Variants in PMPCB observed in about 807,000 individuals in gnomAD.
PMPCB encodes the protein peptidase, mitochondrial processing subunit beta.
PMPCB carries 46 observed loss-of-function variants against 61.5 expected under a neutral mutation model. The ratio of observed to expected loss-of-function variants is 0.75; its 90% CI spans 0.59 to 0.96. PMPCB has a LOEUF of 0.96. PMPCB is among the 40% of genes least tolerant of loss of function. The pLI, the probability that PMPCB is intolerant of heterozygous loss-of-function variation, is 0.00. For synonymous variants in PMPCB, 191 were observed against 201.6 expected (o/e 0.95, Z 0.44); for missense variants, 590 against 602.4 (o/e 0.98, Z 0.22).
the PMPCB span, chr7:103,344,594 C>G: frequency 6.2e-7 from 1 of 1,612,742 alleles, no homozygotes. Flanking sequence ...GGTGCCCCGG[C>G]CGTCCGCGGC....
the PMPCB span, among the ~76,000 whole-genome samples, chr7:103,334,818 T>C: frequency 6.6e-6 from 1 of 152,056 alleles, no homozygotes. Flanking sequence ...TCAGAAACAG[T>C]GACAAATATT....
chr7:103,319,581 A>T, downstream of PMPCB: 1 of 1,606,876 alleles, frequency 6.2e-7, no homozygotes, highest in South Asian at 1.1e-5. Flanking sequence ...TGCTACATAT[A>T]GGTAGGAGTG....
chr7:103,313,055 A>T lies in PMPCB; in HGVS notation c.*784A>T, dbSNP rs1300243730. 1 of 1,613,986 alleles carries T rather than the reference A, an allele frequency of 6.2e-7. No individual in the cohort carries two copies. Among genetic ancestry groups the T allele is most frequent in the African/African-American group, 1.3e-5 (1 of 75,038 alleles). The stretch of plus-strand genomic sequence containing the variant: ...GGTATGTTTTCAAAGCTTGTTCCAA[A>T]AGCTTCTGTTCTTCTGTTGTCCAAG... On this transcript the variant is annotated 3_prime_UTR_variant, in exon 13 of 13. Coordinates refer to ENST00000249269, the MANE Select transcript of PMPCB (RefSeq NM_004279.3).
intron 12 of PMPCB, chr7:103,326,565 G>A (rs1818718406): frequency 6.2e-7 from 1 of 1,613,626 alleles, no homozygotes; most frequent in African/African-American, 1.3e-5. Flanking sequence ...TCAAACACTG[G>A]GGTAAACACT....
chr7:103,322,897 G>A, intron 12 of PMPCB: 1 of 903,776 alleles, frequency 1.1e-6, no homozygotes, highest in Non-Finnish European at 1.7e-6. Flanking sequence ...CATCCTAGAG[G>A]TTAAAATGCT....
chr7:103,317,091 T>C, downstream of PMPCB: 1 of 1,296,040 alleles, frequency 7.7e-7, no homozygotes, highest in Admixed American at 2.0e-5. Context: ...GCTAGGGCTT[T>C]GTGGTCCTCA....
intron 2 of PMPCB, 88 bp downstream of exon 2, chr7:103,298,796 G>A (rs1817366784): frequency 1.5e-6 from 2 of 1,310,516 alleles, no homozygotes; most frequent in East Asian, 2.4e-5. Context: ...TCGTTGGCTG[G>A]TGGTTCAAAA....
chr7:103,307,578 T>G lies in PMPCB; in HGVS notation c.737-18T>G, dbSNP rs1367110657. The G allele has an allele frequency of 6.9e-7, 1 of 1,448,988 alleles. No homozygotes were observed. Among genetic ancestry groups the G allele is most frequent in the Non-Finnish European group, 9.7e-7 (1 of 1,029,660 alleles). 89.8% of individuals were successfully genotyped at this position (1,448,988 alleles called of 1,614,324 possible). ...TATTGCTGCTAGATACATGTGAAAA[T>G]ATTTTCTTTCAATTTAGGTGTTTCC... On this transcript the variant is annotated intron_variant, in intron 6 of 12. Coordinates refer to ENST00000249269, the MANE Select transcript of PMPCB (RefSeq NM_004279.3).
At chr7:103,339,018 T>C in the PMPCB span, among the ~76,000 whole-genome samples, 1 of 152,094 alleles carries the variant, frequency 6.6e-6, no homozygotes, top group African/African-American at 2.4e-5. Context: ...CTCTGAGAAG[T>C]CCTGTAATTA....
intron 6 of PMPCB, among the ~76,000 whole-genome samples, chr7:103,306,033 AT>A (rs1269176971): frequency 6.6e-6 from 1 of 152,212 alleles, no homozygotes; most frequent in Non-Finnish European, 1.5e-5. Flanking sequence ...ATTAGTATTC[AT>A]TTTAAATACT....
At chr7:103,338,136 G>A in the PMPCB span, among the ~76,000 whole-genome samples, 4 of 152,102 alleles carry the variant, frequency 2.6e-5, no homozygotes, top group Admixed American at 2.6e-4. Context: ...TGGGTGTGGT[G>A]GTGTGCACCT....
intron 6 of PMPCB, 26 bp from the exon 7 acceptor site, chr7:103,307,570 T>C: frequency 7.6e-7 from 1 of 1,314,528 alleles, no homozygotes; most frequent in Non-Finnish European, 1.1e-6. Context: ...GCTAGATACA[T>C]GTGAAAATAT....
chr7:103,341,838 C>T, the PMPCB span: 4 of 1,612,096 alleles, frequency 2.5e-6, no homozygotes, highest in Admixed American at 1.7e-5. Flanking sequence ...TCTGATTCCT[C>T]GGATAACTCT....
the PMPCB span, chr7:103,344,925 A>G: frequency 5.4e-6 from 3 of 554,454 alleles, no homozygotes; most frequent in Admixed American, 3.4e-5. Context: ...GTTTTCCTGT[A>G]AAAAGGATTA....
At position 103,314,024 on chromosome 7, in the gene PMPCB, AAAAAC is replaced by A. The variant is rs370020947; in HGVS notation, c.*1774_*1778del. ...AAAGTTCCTTCCCAATTAAAGAAGG[AAAAAC>A]AAAACAAAACAAAACAAAACCACCA... On this transcript the variant is annotated 3_prime_UTR_variant, in exon 13 of 13. Transcript: ENST00000249269. 3.0e-4 allele frequency: 298 copies of A among 985,434 alleles called. 2 individuals carry two copies. In the African/African-American group the frequency reaches 3.9e-3, roughly 13 times the overall value. The allele number at this position is 985,434 out of a possible 1,614,324, so 61.0% of individuals were successfully genotyped here. A position where few individuals can be genotyped will look rare whatever the true frequency, so the allele number is the denominator to read the frequency against.
chr7:103,302,453 T>C (rs1344816119), intron 4 of PMPCB, among the ~76,000 whole-genome samples: 1 of 152,152 alleles, frequency 6.6e-6, no homozygotes, highest in Non-Finnish European at 1.5e-5. Context: ...ACTACCAGGG[T>C]AGACCACCAA....
chr7:103,301,923 G>T (rs186864799), intron 4 of PMPCB, among the ~76,000 whole-genome samples: 1 of 152,004 alleles, frequency 6.6e-6, no homozygotes, highest in African/African-American at 2.4e-5. Context: ...TTTACATTAG[G>T]TATATCTCCT....
intron 7 of PMPCB, among the ~76,000 whole-genome samples, chr7:103,308,640 CAA>C (rs1817655548): frequency 6.6e-6 from 1 of 152,038 alleles, no homozygotes; most frequent in Non-Finnish European, 1.5e-5. Flanking sequence ...AAGAAAAAGA[CAA>C]ATTCAGATTG....
At position 103,310,422 on chromosome 7, in the gene PMPCB, G is replaced by A. The variant is rs755850092; in HGVS notation, c.1101G>A (p.Met367Ile). ...YTDTGLWGLYMVCESSTVADM... is the reference protein window; with the variant it reads ...YTDTGLWGLYIVCESSTVADM... ...ATACAGGATTATGGGGACTGTATAT[G>A]GTTTGTGAATCATCCACTGTTGCAG... is the stretch of plus-strand genomic sequence containing the variant. The change falls in exon 9 of 13, where the codon ATG becomes ATA. Residue 367 changes from methionine (M) to isoleucine (I), a missense_variant. Coordinates refer to ENST00000249269, the MANE Select transcript of PMPCB (RefSeq NM_004279.3). The A allele has an allele frequency of 2.5e-6, 4 of 1,613,322 alleles. No individual in the cohort carries two copies. The highest frequency in any genetic ancestry group is 3.4e-6 in the Non-Finnish European group (4 of 1,179,644).
Sources: allele counts gnomAD v4.1 joint callset (sites outside exome capture counted in the v4.1 genomes callset), GRCh38; gene constraint gnomAD v4.1.1; transcripts MANE v1.5; gene names NCBI Gene and HGNC (gene_info 2026-07-23, HGNC 2026-07-21).